TMC5: variants seen among roughly 807,000 people sequenced by gnomAD.
The protein encoded by TMC5 is transmembrane channel-like protein 5.
Under a neutral mutation model 110.5 loss-of-function variants are expected in TMC5, and 86 were observed. The observed-to-expected ratio is 0.78, with a 90% CI of 0.65 to 0.93. The LOEUF is 0.93. Among genes scored for constraint, TMC5 ranks in the 40% least tolerant of loss-of-function variants. The pLI is 0.00. For synonymous variants in TMC5, 455 were observed against 439.5 expected, an observed-to-expected ratio of 1.04 and a Z score of -0.44; for missense variants, 1,144 against 1,222.8, an observed-to-expected ratio of 0.94 and a Z score of 0.96.
At chr16:19,414,725 A>T (rs1450095544), upstream of TMC5, among the ~76,000 whole-genome samples, 1 of 151,996 alleles carries the variant, frequency 6.6e-6, no homozygotes. Context: ...TAGGCAACAT[A>T]GGGAGACCAC....
At chr16:19,463,258 T>A (rs1157056853) in intron 6 of TMC5, 22 bp from the exon 7 acceptor site, 1 of 1,581,196 alleles carries the variant, frequency 6.3e-7, no homozygotes, top group Non-Finnish European at 8.7e-7. Context: ...TATCTCTCAT[T>A]TTCTCTTGCT....
At chr16:19,451,986 A>G (rs142909432) in intron 5 of TMC5, among the ~76,000 whole-genome samples, 4,893 of 151,920 alleles carry the variant, frequency 0.032, 287 homozygotes, top group African/African-American at 0.11. Flanking sequence ...TTTAGTAGAG[A>G]CGGGGTTTCG....
intron 1 of TMC5, among the ~76,000 whole-genome samples, chr16:19,428,396 A>G (rs375992626): frequency 3.3e-5 from 5 of 150,540 alleles, no homozygotes; most frequent in African/African-American, 1.2e-4. Flanking sequence ...GCAGCCTCGA[A>G]CTCCCAGCCT....
intron 3 of TMC5, among the ~76,000 whole-genome samples, chr16:19,442,990 A>G (rs12934969): frequency 0.54 from 82,112 of 152,072 alleles, 26,109 homozygotes; most frequent in East Asian, 0.71. Flanking sequence ...AGGCCACCCA[A>G]CTTCACTTAT....
chr16:19,441,219 A>C (rs771127038), intron 3 of TMC5, among the ~76,000 whole-genome samples: 3 of 152,196 alleles, frequency 2.0e-5, no homozygotes, highest in Non-Finnish European at 4.4e-5. Flanking sequence ...ATTGTTATCC[A>C]GAAAATCTTT....
chr16:19,453,034 A>G (rs1967785980), intron 5 of TMC5, among the ~76,000 whole-genome samples: 1 of 150,146 alleles, frequency 6.7e-6, no homozygotes, highest in African/African-American at 2.4e-5. Flanking sequence ...TATCACAGGA[A>G]CCCTGGTAGA....
chr16:19,472,226 G>A lies in TMC5; in HGVS notation c.1921G>A (p.Ala641Thr). 2 of 1,613,974 alleles carry A rather than the reference G, an allele frequency of 1.2e-6. No individual in the cohort carries two copies. Among genetic ancestry groups the A allele is most frequent in the Non-Finnish European group, 1.7e-6 (2 of 1,179,978 alleles). Reference protein sequence around the residue: ...IACCAAVYYLAEYNLEFLKTH... With the variant: ...IACCAAVYYLTEYNLEFLKTH... ...CTGCTGTGCAGCCGTTTATTACCTG[G>A]CTGAGTACAACTTAGAGGTAACCAA... Residue 641 changes from alanine (A) to threonine (T), a missense_variant, in exon 11 of 22, where the codon GCT becomes ACT. Transcript: ENST00000542583.
intron 4 of TMC5, among the ~76,000 whole-genome samples, chr16:19,446,535 C>T (rs1389361497): frequency 6.6e-6 from 1 of 152,226 alleles, no homozygotes; most frequent in East Asian, 1.9e-4. Context: ...TTTATTATCT[C>T]ATTTAATCTG....
At chr16:19,424,985 G>C (rs1036582598) in intron 1 of TMC5, among the ~76,000 whole-genome samples, 1 of 152,152 alleles carries the variant, frequency 6.6e-6, no homozygotes, top group East Asian at 1.9e-4. Context: ...TGCCTCATTG[G>C]AACAAAAGAC....
chr16:19,448,935 C>T (rs1401190054), intron 4 of TMC5, among the ~76,000 whole-genome samples: 2 of 147,156 alleles, frequency 1.4e-5, no homozygotes, highest in Non-Finnish European at 3.0e-5. Flanking sequence ...GATCTCGGCT[C>T]ACTGCAAGCT....
intron 9 of TMC5, among the ~76,000 whole-genome samples, chr16:19,467,171 A>T (rs1465145971): frequency 6.6e-6 from 1 of 152,044 alleles, no homozygotes; most frequent in African/African-American, 2.4e-5. Context: ...AAGAAAGAAA[A>T]GCAACATGCA....
At chr16:19,416,422 C>T (rs1470179442), upstream of TMC5, among the ~76,000 whole-genome samples, 2 of 152,162 alleles carry the variant, frequency 1.3e-5, no homozygotes, top group Non-Finnish European at 1.5e-5. Flanking sequence ...TCAGAGAAAA[C>T]CCTTTGTGAT....
In TMC5 at chr16:19,456,605, A is replaced by T. The variant is rs557082164; in HGVS notation, c.1049-3630A>T. 86 of 1,507,808 alleles carry T rather than the reference A, an allele frequency of 5.7e-5. No individual in the cohort carries two copies. The African/African-American group carries it at 1.1e-3, about 19-fold the overall frequency. The allele number at this position is 1,507,808 out of a possible 1,614,324, so 93.4% of individuals were successfully genotyped here. A position where few individuals can be genotyped will look rare whatever the true frequency, so the allele number is the denominator to read the frequency against. On this transcript the variant is annotated intron_variant, in intron 5 of 21. Coordinates refer to ENST00000542583, the MANE Select transcript of TMC5 (RefSeq NM_001261841.2). ...AATGGTGTATCCCTTTGTGATCATCATCACTTTTTCCCTGCGAGTCCCAAT... is the reference window on the plus strand; with the variant it reads ...AATGGTGTATCCCTTTGTGATCATCTTCACTTTTTCCCTGCGAGTCCCAAT...
chr16:19,459,686 G>A (rs994732786), intron 5 of TMC5, among the ~76,000 whole-genome samples: 2 of 152,094 alleles, frequency 1.3e-5, no homozygotes, highest in Non-Finnish European at 2.9e-5. Context: ...GGAGGCTGAG[G>A]TGGGAGGATC....
At position 19,440,414 on chromosome 16, in the gene TMC5, C is replaced by T. The variant is rs373116969; in HGVS notation, c.376C>T (p.Pro126Ser). 3 of 1,614,098 alleles carry T rather than the reference C, an allele frequency of 1.9e-6. No individual in the cohort carries two copies. The highest frequency in any genetic ancestry group is 2.5e-6 in the Non-Finnish European group (3 of 1,180,036). The change falls in exon 3 of 22, where the codon CCA (proline) becomes TCA (serine). Residue 126 changes from proline to serine, a missense_variant. Coordinates refer to ENST00000542583, the MANE Select transcript of TMC5 (RefSeq NM_001261841.2). ...HPYHRASSRQ[P>S]DYPGSQRNPD... ...CTACCACCGAGCATCATCCAGACAA[C>T]CAGACTACCCTGGATCTCAACGAAA...
intron 1 of TMC5, among the ~76,000 whole-genome samples, chr16:19,412,603 G>A (rs1244009205): frequency 2.6e-5 from 4 of 151,332 alleles, no homozygotes; most frequent in Non-Finnish European, 4.4e-5. Context: ...CCTGACCTCA[G>A]TTGATCCACT....
intron 4 of TMC5, among the ~76,000 whole-genome samples, chr16:19,445,416 A>G (rs897505121): frequency 3.3e-5 from 5 of 151,870 alleles, no homozygotes; most frequent in Admixed American, 6.6e-5. Context: ...CACTTTTTTT[A>G]TGCTTGAGAA....
At chr16:19,493,234 T>G (rs566087001) in intron 19 of TMC5, among the ~76,000 whole-genome samples, 1 of 151,888 alleles carries the variant, frequency 6.6e-6, no homozygotes, top group South Asian at 2.1e-4. Context: ...GTGCTAAGAT[T>G]ACAGGTGTGA....
intron 5 of TMC5, chr16:19,456,399 C>T: frequency 2.1e-6 from 2 of 960,654 alleles, no homozygotes; most frequent in Non-Finnish European, 1.3e-6. Context: ...TCTAGAATCC[C>T]ATTGTCTTAA....
Sources: allele counts gnomAD v4.1 joint callset (sites outside exome capture counted in the v4.1 genomes callset), GRCh38; gene constraint gnomAD v4.1.1; transcripts MANE v1.5; gene names NCBI Gene and HGNC (gene_info 2026-07-23, HGNC 2026-07-21).